DPP10: variants seen among roughly 807,000 people sequenced by gnomAD.
DPP10 encodes the protein dipeptidyl peptidase like 10, also known as inactive dipeptidyl peptidase 10.
In DPP10, 33 loss-of-function variants were observed where a neutral mutation model predicts 120.9. That is an observed-to-expected ratio of 0.27 (90% CI 0.21 to 0.37). The LOEUF is 0.37. DPP10 is among the 10% of genes least tolerant of loss of function. The pLI is 1.00. For missense variants in DPP10, 816 were observed against 942.8 expected (o/e 0.87, Z 1.76); for synonymous variants, 337 against 326.1 (o/e 1.03, Z -0.36).
chr2:115,699,022 GAAAAAAAAAAAAAC>G (rs1245598650), intron 7 of DPP10, among the ~76,000 whole-genome samples: 8 of 39,180 alleles, frequency 2.0e-4, no homozygotes, highest in African/African-American at 7.1e-4. Context: ...TAGCTTGACT[GAAAAAAAAAAAAAC>G]AAAAAAAAAA....
intron 1 of DPP10, among the ~76,000 whole-genome samples, chr2:115,098,881 T>C (rs2048535804): frequency 6.6e-6 from 1 of 152,144 alleles, no homozygotes; most frequent in Non-Finnish European, 1.5e-5. Context: ...GAATGTCATA[T>C]CTGCAGGGTC....
intron 1 of DPP10, among the ~76,000 whole-genome samples, chr2:114,714,380 C>A (rs1357062457): frequency 6.6e-6 from 1 of 152,122 alleles, no homozygotes; most frequent in Non-Finnish European, 1.5e-5. Context: ...AATAGATAAT[C>A]AAGTTCTGAA....
chr2:115,681,793 T>TCTTCCTTC (rs61041757), intron 5 of DPP10, among the ~76,000 whole-genome samples: 17 of 141,288 alleles, frequency 1.2e-4, no homozygotes, highest in African/African-American at 3.6e-4. Flanking sequence ...TCTTTCTTTC[T>TCTTCCTTC]CTTCCTTCCT....
chr2:115,715,625 A>G (rs2092468713), intron 7 of DPP10, among the ~76,000 whole-genome samples: 1 of 152,210 alleles, frequency 6.6e-6, no homozygotes. Context: ...CTTAGTCGCT[A>G]TTGTTTCACA....
chr2:114,494,191 C>A (rs569270280), intron 1 of DPP10, among the ~76,000 whole-genome samples: 4 of 151,050 alleles, frequency 2.6e-5, no homozygotes, highest in Admixed American at 6.6e-5. Context: ...GAGTTCAGAT[C>A]CTGGCTCTCT....
intron 2 of DPP10, among the ~76,000 whole-genome samples, chr2:115,316,550 G>T (rs2061802092): frequency 2.0e-5 from 3 of 152,080 alleles, no homozygotes; most frequent in Admixed American, 2.0e-4. Flanking sequence ...GTGGGAAGTT[G>T]AAAATCGTAA....
At chr2:115,253,341 C>A (rs2058833839) in intron 1 of DPP10, among the ~76,000 whole-genome samples, 1 of 152,104 alleles carries the variant, frequency 6.6e-6, no homozygotes, top group African/African-American at 2.4e-5. Flanking sequence ...CTATATCATT[C>A]CACCCCGAAC....
At position 115,815,702 on chromosome 2, in the gene DPP10, C is replaced by T. The variant is rs199540177; in HGVS notation, c.1923C>T (p.Asp641=). The T allele has an allele frequency of 2.1e-5, 33 of 1,600,598 alleles. No individual in the cohort carries two copies. The highest frequency in any genetic ancestry group is 6.8e-6 in the Non-Finnish European group (8 of 1,172,288). Residue 641 remains aspartate (D), a synonymous_variant, in exon 21 of 26, where the codon GAC becomes GAT. Transcript: ENST00000410059. The part of the protein sequence containing the change: ...VKFLLKLPYI[D]SKRLSIFGKG... ...TTTTGCTGAAACTGCCTTACATTGA[C>T]TCCAAAAGATTAAGCATTTTTGGAA...
At position 114,501,933 on chromosome 2, in the gene DPP10, C is replaced by CTTTTTTT. The variant is rs34369425; in HGVS notation, c.60+59109_60+59115dup. Reference sequence around the variant, plus strand: ...TGAGAAAAAACGAAGATTGATATTCCTTTTTTTTTTTTTTTTTTTTGAGAC... The same window carrying CTTTTTTT: ...TGAGAAAAAACGAAGATTGATATTCCTTTTTTTTTTTTTTTTTTTTTTTTTTTGAGAC... On this transcript the variant is annotated intron_variant, in intron 1 of 25. Transcript: ENST00000410059. Among the ~76,000 whole-genome samples the CTTTTTTT allele has an allele frequency of 4.3e-4, 40 of 94,016 alleles. 1 individual carries two copies. Among genetic ancestry groups the CTTTTTTT allele is most frequent in the African/African-American group, 1.3e-3 (36 of 27,250 alleles). 61.7% of individuals were successfully genotyped at this position (94,016 alleles called of 152,430 possible).
intron 3 of DPP10, among the ~76,000 whole-genome samples, chr2:115,383,383 A>G (rs954344686): frequency 6.6e-6 from 1 of 152,136 alleles, no homozygotes; most frequent in Non-Finnish European, 1.5e-5. Context: ...TTCTGCCATG[A>G]TTGTGAGTCC....
intron 3 of DPP10, among the ~76,000 whole-genome samples, chr2:115,495,982 C>T (rs918077652): frequency 2.6e-5 from 4 of 152,086 alleles, no homozygotes; most frequent in African/African-American, 9.7e-5. Flanking sequence ...ATCTGATTCA[C>T]TCATATTTGA....
chr2:114,483,779 G>A (rs1472006599), intron 1 of DPP10, among the ~76,000 whole-genome samples: 1 of 152,116 alleles, frequency 6.6e-6, no homozygotes, highest in Admixed American at 6.6e-5. Context: ...AGCACATGCT[G>A]TATATTAAAT....
chr2:114,453,917 T>C (rs1165929254), intron 1 of DPP10, among the ~76,000 whole-genome samples: 1 of 152,098 alleles, frequency 6.6e-6, no homozygotes, highest in Non-Finnish European at 1.5e-5. Context: ...GGAGACCAAA[T>C]GGGATAGCAC....
At chr2:115,359,076 A>G (rs1360598386) in intron 3 of DPP10, among the ~76,000 whole-genome samples, 1 of 152,152 alleles carries the variant, frequency 6.6e-6, no homozygotes, top group Admixed American at 6.5e-5. Flanking sequence ...TGGGTCTAGC[A>G]TTTCATCCAA....
intron 1 of DPP10, among the ~76,000 whole-genome samples, chr2:115,133,672 A>C (rs1444321110): frequency 6.6e-6 from 1 of 152,164 alleles, no homozygotes; most frequent in Non-Finnish European, 1.5e-5. Flanking sequence ...TAAAGGGAGG[A>C]AGTAAAGCTT....
chr2:115,738,140 T>A (rs538816376), intron 8 of DPP10, among the ~76,000 whole-genome samples: 1 of 152,314 alleles, frequency 6.6e-6, no homozygotes, highest in East Asian at 1.9e-4. Flanking sequence ...TCCATCGTTA[T>A]GAATATCTTT....
At chr2:114,739,364 T>A (rs1677792484) in intron 1 of DPP10, among the ~76,000 whole-genome samples, 1 of 152,140 alleles carries the variant, frequency 6.6e-6, no homozygotes, top group South Asian at 2.1e-4. Context: ...CAATTTCTGA[T>A]GTAGAATCTA....
chr2:114,739,236 C>A (rs1677779550), intron 1 of DPP10, among the ~76,000 whole-genome samples: 2 of 152,152 alleles, frequency 1.3e-5, no homozygotes, highest in Non-Finnish European at 2.9e-5. Context: ...GATTTTCTAA[C>A]ACCTCTTTCA....
At chr2:115,727,790 T>C in intron 7 of DPP10, 26 bp from the exon 8 acceptor site, 1 of 1,567,694 alleles carries the variant, frequency 6.4e-7, no homozygotes, top group East Asian at 2.3e-5. Context: ...TTGGATTTTT[T>C]GTTTGTTTCA....
Sources: gnomAD v4.1 joint callset for allele counts (sites outside exome capture counted in the v4.1 genomes callset) on GRCh38, gnomAD v4.1.1 for gene constraint, MANE v1.5 for transcripts, NCBI Gene and HGNC (gene_info 2026-07-23, HGNC 2026-07-21) for gene names.